The following VCAN variants were observed in gnomAD, a reference collection of about 807,000 sequenced individuals.
VCAN encodes the protein versican core protein.
A neutral mutation model predicts 245.5 loss-of-function variants in VCAN; 44 were observed. The ratio of observed to expected loss-of-function variants is 0.18; its 90% CI spans 0.14 to 0.23. The LOEUF (loss-of-function observed/expected upper bound fraction) is 0.23. Among genes scored for constraint, VCAN ranks in the 10% least tolerant of loss-of-function variants. VCAN has a pLI of 1.00. For missense variants in VCAN, 3,793 were observed against 4,057.9 expected, an observed-to-expected ratio of 0.93 and a Z score of 1.77; for synonymous variants, 1,413 against 1,437.0, an observed-to-expected ratio of 0.98 and a Z score of 0.38.
intron 6 of VCAN, among the ~76,000 whole-genome samples, chr5:83,518,574 CAG>C (rs1267483464): frequency 6.6e-6 from 1 of 152,150 alleles, no homozygotes; most frequent in African/African-American, 2.4e-5. Flanking sequence ...GAGATACAAA[CAG>C]AGTGTGTAGA....
At position 83,553,332 on chromosome 5, in the gene VCAN, C is replaced by T. The variant is rs1438491901; in HGVS notation, c.9494-32C>T. ...GTGCCAAGTTTGAATGACGTATGTGCGTTTAATAAGCTCCTGCCTGTTTCT... is the reference window on the plus strand; with the variant it reads ...GTGCCAAGTTTGAATGACGTATGTGTGTTTAATAAGCTCCTGCCTGTTTCT... On this transcript the variant is annotated intron_variant, in intron 10 of 14. Coordinates refer to ENST00000265077, the MANE Select transcript of VCAN (RefSeq NM_004385.5). 5.0e-6 allele frequency: 8 copies of T among 1,613,336 alleles called. No individual in the cohort carries two copies. The Admixed American group carries it at 5.0e-5, about 10-fold the overall frequency.
intron 6 of VCAN, among the ~76,000 whole-genome samples, chr5:83,519,003 T>G (rs1317958443): frequency 6.6e-6 from 1 of 152,176 alleles, no homozygotes; most frequent in East Asian, 1.9e-4. Context: ...AAATAAACAA[T>G]CTACTGTATC....
intron 5 of VCAN, among the ~76,000 whole-genome samples, chr5:83,502,903 C>G (rs1478028290): frequency 3.3e-5 from 5 of 152,122 alleles, no homozygotes; most frequent in African/African-American, 1.2e-4. Context: ...TCATTATTCC[C>G]AAATTAGAAA....
At chr5:83,559,951 T>C (rs557478703) in intron 12 of VCAN, among the ~76,000 whole-genome samples, 1 of 151,538 alleles carries the variant, frequency 6.6e-6, no homozygotes, top group African/African-American at 2.4e-5. Context: ...TTTAAAGTTG[T>C]ACCAGTATGA....
At chr5:83,513,330 T>C (rs1258291121) in intron 6 of VCAN, among the ~76,000 whole-genome samples, 1 of 152,236 alleles carries the variant, frequency 6.6e-6, no homozygotes, top group African/African-American at 2.4e-5. Context: ...AAATTTCCAA[T>C]GTATCTTGTT....
At chr5:83,568,517 G>A (rs1748168168) in intron 12 of VCAN, among the ~76,000 whole-genome samples, 1 of 152,132 alleles carries the variant, frequency 6.6e-6, no homozygotes, top group Non-Finnish European at 1.5e-5. Context: ...GGCAGTTTGA[G>A]CCCCGAGAAT....
In VCAN at chr5:83,541,253, G is replaced by A. The variant is rs142959979; in HGVS notation, c.8250G>A (p.Glu2750=). The A allele has an allele frequency of 1.7e-5, 28 of 1,613,824 alleles. No homozygotes were observed. Among genetic ancestry groups the A allele is most frequent in the Non-Finnish European group, 2.4e-5 (28 of 1,180,006 alleles). ...GCCAATTTGAAAGGACTCAGGAGGA[G>A]TATGAAGACAAAAAACATGCTGGTC... ...TLGQFERTQE[E]YEDKKHAGPS... Residue 2750 remains glutamate, a synonymous_variant, in exon 8 of 15, where the codon GAG becomes GAA. Coordinates refer to ENST00000265077, the MANE Select transcript of VCAN (RefSeq NM_004385.5).
chr5:83,525,497 TA>T (rs1444885793), intron 7 of VCAN, among the ~76,000 whole-genome samples: 2 of 152,214 alleles, frequency 1.3e-5, no homozygotes, highest in Non-Finnish European at 1.5e-5. Context: ...CAGGTATTTT[TA>T]AATCAAAGAA....
At chr5:83,559,282 T>C (rs1747776975) in intron 12 of VCAN, among the ~76,000 whole-genome samples, 1 of 152,184 alleles carries the variant, frequency 6.6e-6, no homozygotes, top group Non-Finnish European at 1.5e-5. Flanking sequence ...TCAGAGTGTT[T>C]TCTTTCAGAT....
chr5:83,571,336 A>G (rs975817148), intron 12 of VCAN, among the ~76,000 whole-genome samples: 3 of 152,318 alleles, frequency 2.0e-5, no homozygotes, highest in East Asian at 3.9e-4. Flanking sequence ...CAGGAAGGCA[A>G]TATTTTAAGT....
chr5:83,489,302 C>T (rs981207405), intron 2 of VCAN, among the ~76,000 whole-genome samples: 3 of 152,144 alleles, frequency 2.0e-5, no homozygotes, highest in African/African-American at 7.2e-5. Context: ...GGGATGGATT[C>T]CTCTAAGAGT....
At chr5:83,522,960 G>T (rs546530358) in intron 7 of VCAN, among the ~76,000 whole-genome samples, 1 of 152,244 alleles carries the variant, frequency 6.6e-6, no homozygotes, top group East Asian at 1.9e-4. Flanking sequence ...ACAGTTTATT[G>T]TATTAAATAT....
At chr5:83,543,911 G>T (rs1332991603) in intron 8 of VCAN, among the ~76,000 whole-genome samples, 14 of 152,142 alleles carry the variant, frequency 9.2e-5, no homozygotes. Flanking sequence ...ACTGTTTAGG[G>T]GAGAATAACA....
intron 7 of VCAN, among the ~76,000 whole-genome samples, chr5:83,528,929 A>G (rs310508): frequency 0.31 from 46,889 of 150,392 alleles, 7,376 homozygotes; most frequent in East Asian, 0.38. Flanking sequence ...ATATGGAATG[A>G]TATTTCCTAA....
intron 6 of VCAN, among the ~76,000 whole-genome samples, chr5:83,515,811 T>C (rs1745825137): frequency 6.6e-6 from 1 of 152,244 alleles, no homozygotes; most frequent in Non-Finnish European, 1.5e-5. Context: ...CTTTTTTGTG[T>C]GTGCCCTAGT....
chr5:83,545,410 T>C (rs185277232), intron 8 of VCAN, 127 bp from the exon 9 acceptor site: 2 of 788,980 alleles, frequency 2.5e-6, no homozygotes, highest in Admixed American at 3.5e-5. Flanking sequence ...AATTTTTATA[T>C]GTAGTAACTC....
intron 13 of VCAN, among the ~76,000 whole-genome samples, chr5:83,572,876 T>G: frequency 6.7e-6 from 1 of 149,500 alleles, no homozygotes; most frequent in Non-Finnish European, 1.5e-5. Context: ...TTTATTTATT[T>G]ATTTATTTAT....
intron 12 of VCAN, among the ~76,000 whole-genome samples, chr5:83,558,693 A>G (rs935386426): frequency 3.9e-5 from 6 of 152,180 alleles, no homozygotes; most frequent in African/African-American, 9.6e-5. Context: ...CAACTAGTAT[A>G]CTAAATTAAT....
chr5:83,490,755 C>T (rs1198710571), intron 3 of VCAN, among the ~76,000 whole-genome samples: 1 of 152,158 alleles, frequency 6.6e-6, no homozygotes. Flanking sequence ...ATAATCATTA[C>T]TTCAGTGTTG....
Sources: allele counts gnomAD v4.1 joint callset (sites outside exome capture counted in the v4.1 genomes callset), GRCh38; gene constraint gnomAD v4.1.1; transcripts MANE v1.5; gene names NCBI Gene and HGNC (gene_info 2026-07-23, HGNC 2026-07-21).